The following TMPRSS3 variants were observed in gnomAD, a reference collection of about 807,000 sequenced individuals.
TMPRSS3 encodes the protein transmembrane protease serine 3.
In TMPRSS3, 55 loss-of-function variants were observed where a neutral mutation model predicts 59.6. The observed-to-expected ratio is 0.92, with a 90% CI of 0.74 to 1.16. TMPRSS3 has a LOEUF of 1.16. TMPRSS3 is among the 50% of genes most tolerant of loss of function. The probability of loss-of-function intolerance (pLI) is 0.00; values close to 1 mark genes in which losing one functional copy is unlikely to be tolerated. For missense variants in TMPRSS3, 596 were observed against 579.4 expected (o/e 1.03, Z -0.29); for synonymous variants, 257 against 237.7 (o/e 1.08, Z -0.75).
At position 42,376,579 on chromosome 21, in the gene TMPRSS3, A is replaced by G; in HGVS notation, c.1153T>C (p.Cys385Arg). 1 of 1,613,900 alleles carries G rather than the reference A, an allele frequency of 6.2e-7. No homozygotes were observed. The highest frequency in any genetic ancestry group is 8.5e-7 in the Non-Finnish European group (1 of 1,180,022). ...YGGIISPSMLCAGYLTGGVDS... is the reference protein window; with the variant it reads ...YGGIISPSMLRAGYLTGGVDS... Reference sequence around the variant, plus strand: ...ACGCCACCCGTCAGGTAGCCCGCGCAGAGCATGGAGGGGGAGATGATGCCA... The same window carrying G: ...ACGCCACCCGTCAGGTAGCCCGCGCGGAGCATGGAGGGGGAGATGATGCCA... The change falls in exon 11 of 13, where the codon TGC becomes CGC. Residue 385 changes from cysteine to arginine, a missense_variant. Cys to Arg is a radical substitution (Grantham distance 180). Transcript: ENST00000644384.
chr21:42,379,096 G>A (rs990262382), intron 10 of TMPRSS3, among the ~76,000 whole-genome samples: 2 of 151,944 alleles, frequency 1.3e-5, no homozygotes, highest in African/African-American at 2.4e-5. Context: ...CATTGGCCAA[G>A]CTGGTCTCAA....
Position 42,375,833 on chromosome 21 carries a change from C to T in TMPRSS3, c.1227G>A (p.Arg409=). 6.2e-7 allele frequency: 1 copy of T among 1,613,852 alleles called. No individual in the cohort carries two copies. The highest frequency in any genetic ancestry group is 8.5e-7 in the Non-Finnish European group (1 of 1,180,020). Residue 409 remains arginine, a synonymous_variant, in exon 12 of 13, where the codon AGG becomes AGA. Coordinates refer to ENST00000644384, the MANE Select transcript of TMPRSS3 (RefSeq NM_001256317.3). ...TCGCTCCCACTAACTTCCACAGCCTCCTCTCTTGACACACCAGGGGCCCCC... is the reference window on the plus strand; with the variant it reads ...TCGCTCCCACTAACTTCCACAGCCTTCTCTCTTGACACACCAGGGGCCCCC... ...DSGGPLVCQE[R]RLWKLVGATS...
At chr21:42,382,900 T>G (rs1401225068) in intron 8 of TMPRSS3, 133 bp downstream of exon 8, 2 of 1,131,748 alleles carry the variant, frequency 1.8e-6, no homozygotes, top group African/African-American at 3.1e-5. Context: ...GAGACTCCTC[T>G]CCAACTGTAC....
At chr21:42,375,209 G>A (rs889388249) in intron 12 of TMPRSS3, among the ~76,000 whole-genome samples, 1 of 69,956 alleles carries the variant, frequency 1.4e-5, no homozygotes, top group African/African-American at 6.0e-5. Flanking sequence ...CCACTTCCAC[G>A]CCTCCCCCTC....
intron 5 of TMPRSS3, among the ~76,000 whole-genome samples, chr21:42,387,387 T>A (rs2052654420): frequency 6.6e-6 from 1 of 151,618 alleles, no homozygotes; most frequent in Non-Finnish European, 1.5e-5. Context: ...TGTGTGTGTG[T>A]GTGTGTGTGT....
At chr21:42,382,922 G>A in intron 8 of TMPRSS3, 111 bp downstream of exon 8, 2 of 1,298,654 alleles carry the variant, frequency 1.5e-6, no homozygotes, top group Non-Finnish European at 2.2e-6. Flanking sequence ...TTACTTGGAG[G>A]TTAGTCTCTC....
chr21:42,395,701 A>G, intron 1 of TMPRSS3: 1 of 434,428 alleles, frequency 2.3e-6, no homozygotes, highest in South Asian at 2.1e-5. Context: ...GTATGAACTT[A>G]ATTCTGCTAA....
chr21:42,383,875 C>G (rs749204185), intron 7 of TMPRSS3, 95 bp downstream of exon 7: 1 of 1,356,868 alleles, frequency 7.4e-7, no homozygotes, highest in East Asian at 2.3e-5. Context: ...GGAAGGGATA[C>G]AGAGCCCCAT....
chr21:42,373,835 C>T (rs2052376358), intron 12 of TMPRSS3, among the ~76,000 whole-genome samples: 3 of 152,184 alleles, frequency 2.0e-5, no homozygotes, highest in South Asian at 2.1e-4. Flanking sequence ...GTCATGGAAC[C>T]GTTGTGAGCG....
chr21:42,392,242 G>A (rs762341517), intron 2 of TMPRSS3, among the ~76,000 whole-genome samples: 1 of 152,146 alleles, frequency 6.6e-6, no homozygotes, highest in Non-Finnish European at 1.5e-5. Context: ...TAAGGAGTGT[G>A]ATAATGAAAT....
chr21:42,379,967 G>A (rs1210013192), intron 10 of TMPRSS3, 150 bp downstream of exon 10: 3 of 698,630 alleles, frequency 4.3e-6, no homozygotes, highest in Admixed American at 4.1e-5. Context: ...TTCCTTGGCT[G>A]ACTGTGTCCC....
rs140552212 is a variant in TMPRSS3 at position 42,382,186 on chromosome 21, C to G, written c.831G>C (p.Leu277=). The G allele has an allele frequency of 3.2e-5, 51 of 1,614,192 alleles. No homozygotes were observed. In the African/African-American group the frequency reaches 6.3e-4, roughly 20 times the overall value. The part of the protein sequence containing the change: ...SWTIQVGLVS[L]LDNPAPSHLV... Reference sequence around the variant, plus strand: ...AGTGGGATGGGGCTGGATTGTCCAACAGGGAAACTAGACCCACCTGGATGG... The same window carrying G: ...AGTGGGATGGGGCTGGATTGTCCAAGAGGGAAACTAGACCCACCTGGATGG... The change falls in exon 9 of 13, where the codon CTG becomes CTC. Residue 277 remains leucine, a synonymous_variant. Coordinates refer to ENST00000644384, the MANE Select transcript of TMPRSS3 (RefSeq NM_001256317.3).
rs369418733 is a variant in TMPRSS3 at position 42,395,371 on chromosome 21, C to T, written c.47G>A (p.Arg16Gln). Residue 16 changes from arginine (R) to glutamine (Q), a missense_variant, in exon 2 of 13, where the codon CGA becomes CAA. Physicochemically the swap from Arg to Gln is conservative, Grantham distance 43. Coordinates refer to ENST00000644384, the MANE Select transcript of TMPRSS3 (RefSeq NM_001256317.3). The part of the protein sequence containing the change: ...PPAVEAPFSF[R>Q]SLFGLDDLKI... ...CAAATCATCAAGGCCAAAAAGCGAT[C>T]GGAATGAGAAGGGGGCTTCAACAGC... is the stretch of plus-strand genomic sequence containing the variant. 4.7e-5 allele frequency: 76 copies of T among 1,613,990 alleles called. No individual in the cohort carries two copies. In the African/African-American group the frequency reaches 4.8e-4, roughly 10 times the overall value.
At chr21:42,395,669 CAAAAA>C (rs138713556) in intron 1 of TMPRSS3, 142 of 243,162 alleles carry the variant, frequency 5.8e-4, no homozygotes, top group Middle Eastern at 1.4e-3. Flanking sequence ...CTAGAATTAG[CAAAAA>C]AAAAAAAAAA....
chr21:42,372,549 G>A lies in TMPRSS3; in HGVS notation c.*213C>T, dbSNP rs745504094. 1 of 689,798 alleles carries A rather than the reference G, an allele frequency of 1.4e-6. No homozygotes were observed. Among genetic ancestry groups the A allele is most frequent in the Non-Finnish European group, 2.7e-6 (1 of 374,490 alleles). The allele number at this position is 689,798 out of a possible 1,614,324, so 42.7% of individuals were successfully genotyped here. Reference sequence around the variant, plus strand: ...CACTCCAGCCTGGGCAACAGAGCGAGACTCCATCTCAAAAAAACAAAAAAC... The same window carrying A: ...CACTCCAGCCTGGGCAACAGAGCGAAACTCCATCTCAAAAAAACAAAAAAC... On this transcript the variant is annotated 3_prime_UTR_variant, in exon 13 of 13. Transcript: ENST00000644384.
chr21:42,375,482 C>T (rs566919361), intron 12 of TMPRSS3, among the ~76,000 whole-genome samples: 3 of 152,094 alleles, frequency 2.0e-5, no homozygotes, highest in South Asian at 2.1e-4. Flanking sequence ...TTCTTCCTCC[C>T]GGGCCCCAGC....
chr21:42,383,499 C>A (rs896099059), intron 7 of TMPRSS3: 1 of 544,780 alleles, frequency 1.8e-6, no homozygotes, highest in Admixed American at 3.1e-5. Flanking sequence ...GATGACAACA[C>A]CCTGGGATGT....
chr21:42,382,848 A>G (rs2146435700), intron 8 of TMPRSS3, 185 bp downstream of exon 8: 1 of 713,048 alleles, frequency 1.4e-6, no homozygotes, highest in African/African-American at 1.7e-5. Flanking sequence ...TCAGGGTCAC[A>G]AGTTACCCCC....
chr21:42,388,654 G>T lies in TMPRSS3; in HGVS notation c.323-128C>A. 4 of 1,347,702 alleles carry T rather than the reference G, an allele frequency of 3.0e-6. No homozygotes were observed. The highest frequency in any genetic ancestry group is 2.3e-5 in the East Asian group (1 of 42,716). 83.5% of individuals were successfully genotyped at this position (1,347,702 alleles called of 1,614,324 possible). ...TCTGACCCACTTCTTGTCCACGGCA[G>T]CCTCCCCATCACAGAGCAGTGACTC... is the stretch of plus-strand genomic sequence containing the variant. On this transcript the variant is annotated intron_variant, in intron 4 of 12. Coordinates refer to ENST00000644384, the MANE Select transcript of TMPRSS3 (RefSeq NM_001256317.3). This position sits in a 1 kb window ranked among gnomAD's most constrained non-coding sequence, Gnocchi z 5.1.
Sources: allele counts gnomAD v4.1 joint callset (sites outside exome capture counted in the v4.1 genomes callset), GRCh38; gene constraint gnomAD v4.1.1; non-coding constraint Gnocchi (gnomAD v3.1); transcripts MANE v1.5; gene names NCBI Gene and HGNC (gene_info 2026-07-23, HGNC 2026-07-21).